Variants in PCDHGB3 observed in about 807,000 individuals in gnomAD.
PCDHGB3 encodes protocadherin gamma-B3.
In PCDHGB3, 40 loss-of-function variants were observed where a neutral mutation model predicts 59.2. The ratio of observed to expected loss-of-function variants is 0.68; its 90% CI spans 0.52 to 0.88. PCDHGB3 has a LOEUF of 0.88. Ranked by LOEUF, PCDHGB3 falls within the 40% of genes least tolerant of loss-of-function variation. PCDHGB3 has a pLI of 0.00. For missense variants in PCDHGB3, 1,309 were observed against 1,187.9 expected (o/e 1.10, Z -1.50); for synonymous variants, 581 against 503.6 (o/e 1.15, Z -2.06).
chr5:141,432,934 G>T lies in PCDHGB3; in HGVS notation c.2415+60125G>T, dbSNP rs377666802. 1.2e-6 allele frequency: 2 copies of T among 1,614,078 alleles called. No individual in the cohort carries two copies. The highest frequency in any genetic ancestry group is 1.3e-5 in the African/African-American group (1 of 74,940). On this transcript the variant is annotated intron_variant, in intron 1 of 3. Coordinates refer to ENST00000576222, the MANE Select transcript of PCDHGB3 (RefSeq NM_018924.5). This position sits in a 1 kb window ranked among gnomAD's most constrained non-coding sequence, Gnocchi z 6.0. ...GGCGCTGGCACAAGTCACGCCTGCT[G>T]CAGGCTTCAGGAGGCGGCTTGACAG...
intron 1 of PCDHGB3, chr5:141,418,958 G>A: frequency 4.3e-6 from 7 of 1,614,000 alleles, no homozygotes; most frequent in Non-Finnish European, 5.9e-6. Context: ...AGTGGTTGTT[G>A]CCCTCTTCAA....
rs1280755615 is a variant in PCDHGB3 at position 141,431,629 on chromosome 5, A to C, written c.2415+58820A>C. On this transcript the variant is annotated intron_variant, in intron 1 of 3. Transcript: ENST00000576222. This position sits in a 1 kb window ranked among gnomAD's most constrained non-coding sequence, Gnocchi z 4.8. ...GGTATGTGGACGACAAGGCGGCCCA[A>C]GTTTTCAAACTAGATTGTAATTCAG... 6.2e-7 allele frequency: 1 copy of C among 1,614,246 alleles called. No individual in the cohort carries two copies. Among genetic ancestry groups the C allele is most frequent in the South Asian group, 1.1e-5 (1 of 91,090 alleles).
intron 1 of PCDHGB3, chr5:141,403,336 C>T (rs2094393288): frequency 1.9e-6 from 3 of 1,614,032 alleles, no homozygotes; most frequent in Non-Finnish European, 2.5e-6. Flanking sequence ...ATATTAACGA[C>T]AGCGCCCCAA....
Position 141,394,244 on chromosome 5 carries a change from C to G in PCDHGB3, c.2415+21435C>G, listed in dbSNP as rs371631729. Reference sequence around the variant, plus strand: ...CCTCCATCTTTTCCTTGACTGCACACGACCCCGACAGCCAGGAGAATGCCC... The same window carrying G: ...CCTCCATCTTTTCCTTGACTGCACAGGACCCCGACAGCCAGGAGAATGCCC... On this transcript the variant is annotated intron_variant, in intron 1 of 3. Coordinates refer to ENST00000576222, the MANE Select transcript of PCDHGB3 (RefSeq NM_018924.5). The G allele has an allele frequency of 1.2e-5, 19 of 1,613,820 alleles. No homozygotes were observed. Among genetic ancestry groups the G allele is most frequent in the Middle Eastern group, 1.6e-4 (1 of 6,084 alleles).
chr5:141,384,372 G>C, intron 1 of PCDHGB3: 1 of 1,613,854 alleles, frequency 6.2e-7, no homozygotes, highest in South Asian at 1.1e-5. Context: ...CTTATTCCTT[G>C]GCCGAAGACA....
At chr5:141,382,922 G>A (rs760288273) in intron 1 of PCDHGB3, 35 of 1,561,514 alleles carry the variant, frequency 2.2e-5, no homozygotes, top group Non-Finnish European at 2.9e-5. Context: ...CCGAGGGGCG[G>A]GGACTACAGA....
At chr5:141,433,400 TATCTATTA>T (rs1426636766) in intron 1 of PCDHGB3, among the ~76,000 whole-genome samples, 16 of 151,506 alleles carry the variant, frequency 1.1e-4, no homozygotes, top group African/African-American at 3.4e-4. Context: ...TCTATCTATC[TATCTATTA>T]CTTTCTTGTA....
In PCDHGB3 at chr5:141,491,797, G is replaced by T. The variant is rs537755017; in HGVS notation, c.2416-3010G>T. The stretch of plus-strand genomic sequence containing the variant: ...ATTGAACTTGCATCCACTCCTCTCC[G>T]GCCGGCTTGGTCGCTGGCTGCGCTC... On this transcript the variant is annotated intron_variant, in intron 1 of 3. Coordinates refer to ENST00000576222, the MANE Select transcript of PCDHGB3 (RefSeq NM_018924.5). The surrounding 1 kb of genome is among the most constrained non-coding windows in gnomAD (Gnocchi z 6.9). 2.0e-6 allele frequency: 3 copies of T among 1,506,818 alleles called. No homozygotes were observed. The highest frequency in any genetic ancestry group is 2.4e-5 in the Admixed American group (1 of 41,734). 93.3% of individuals were successfully genotyped at this position (1,506,818 alleles called of 1,614,324 possible). A position where few individuals can be genotyped will look rare whatever the true frequency, so the allele number is the denominator to read the frequency against.
At chr5:141,385,260 A>G (rs1337413063) in intron 1 of PCDHGB3, 1 of 1,613,648 alleles carries the variant, frequency 6.2e-7, no homozygotes, top group African/African-American at 1.3e-5. Flanking sequence ...GCTGTGAGAA[A>G]AATGATTCTT....
chr5:141,409,953 CCGG>C (rs1418234891), intron 1 of PCDHGB3: 2 of 1,613,280 alleles, frequency 1.2e-6, no homozygotes, highest in Non-Finnish European at 1.7e-6. Flanking sequence ...TCTGCAGAGC[CCGG>C]CTACCTAGTG....
rs749086929 is a variant in PCDHGB3, at chr5:141,485,998, T to A, written c.2416-8809T>A. ...CAGACCCGGACCTGGGTCCCAGTGG[T>A]AACGTCACCTTTTATTTCAGTGGTC... On this transcript the variant is annotated intron_variant, in intron 1 of 3. Transcript: ENST00000576222. The surrounding 1 kb of genome is among the most constrained non-coding windows in gnomAD (Gnocchi z 5.7). 2.4e-5 allele frequency: 38 copies of A among 1,614,068 alleles called. No individual in the cohort carries two copies. Among genetic ancestry groups the A allele is most frequent in the Non-Finnish European group, 3.1e-5 (37 of 1,180,046 alleles).
At position 141,431,738 on chromosome 5, in the gene PCDHGB3, TA is replaced by T; in HGVS notation, c.2415+58930del. ...AGTGCAAGCAATGGATAATGCAGGA[TA>T]TTCTGCGCGAGCCAAAGTCCTGATC... On this transcript the variant is annotated intron_variant, in intron 1 of 3. Coordinates refer to ENST00000576222, the MANE Select transcript of PCDHGB3 (RefSeq NM_018924.5). The surrounding 1 kb of genome is among the most constrained non-coding windows in gnomAD (Gnocchi z 4.8). The T allele has an allele frequency of 6.2e-7, 1 of 1,614,234 alleles. No individual in the cohort carries two copies. Among genetic ancestry groups the T allele is most frequent in the South Asian group, 1.1e-5 (1 of 91,092 alleles).
chr5:141,499,570 A>G (rs1027373056), intron 2 of PCDHGB3, among the ~76,000 whole-genome samples: 2 of 152,200 alleles, frequency 1.3e-5, no homozygotes, highest in African/African-American at 4.8e-5. Context: ...TCCAGCTTCA[A>G]CTAATGCCTT....
intron 1 of PCDHGB3, among the ~76,000 whole-genome samples, chr5:141,445,263 C>T (rs1170484721): frequency 1.3e-5 from 2 of 152,152 alleles, no homozygotes; most frequent in African/African-American, 2.4e-5. Context: ...GAATATAAGT[C>T]GAAACCACTC....
At chr5:141,433,034 C>G (rs1357694242) in intron 1 of PCDHGB3, 2 of 1,614,184 alleles carry the variant, frequency 1.2e-6, no homozygotes, top group Non-Finnish European at 1.7e-6. Flanking sequence ...CGAGGTTTCC[C>G]TCACCACGGA....
chr5:141,433,514 G>C (rs1330494451), intron 1 of PCDHGB3, among the ~76,000 whole-genome samples: 1 of 152,016 alleles, frequency 6.6e-6, no homozygotes, highest in East Asian at 1.9e-4. Context: ...GATTACAGGC[G>C]TGAACCACAG....
At chr5:141,415,026 G>A in intron 1 of PCDHGB3, 1 of 1,613,590 alleles carries the variant, frequency 6.2e-7, no homozygotes, top group Non-Finnish European at 8.5e-7. Flanking sequence ...AGGCCAGCGA[G>A]CCGGGACTCT....
intron 1 of PCDHGB3, chr5:141,394,938 G>C: frequency 6.2e-7 from 1 of 1,613,780 alleles, no homozygotes; most frequent in Admixed American, 1.7e-5. Context: ...CGCCTTTGTC[G>C]CTGTGCTTCT....
At position 141,511,219 on chromosome 5, in the gene PCDHGB3, G is replaced by A. The variant is rs1467284181; in HGVS notation, c.*46G>A. On this transcript the variant is annotated 3_prime_UTR_variant, in exon 4 of 4. Coordinates refer to ENST00000576222, the MANE Select transcript of PCDHGB3 (RefSeq NM_018924.5). ...CCACAGGGCGGCCTCTCCCCAACCA[G>A]CCCAGCTTCTCCTTACCTGCACCCA... 5 of 1,606,366 alleles carry A rather than the reference G, an allele frequency of 3.1e-6. No individual in the cohort carries two copies. The highest frequency in any genetic ancestry group is 2.7e-5 in the African/African-American group (2 of 74,686).
Sources: allele counts gnomAD v4.1 joint callset (sites outside exome capture counted in the v4.1 genomes callset), GRCh38; gene constraint gnomAD v4.1.1; non-coding constraint Gnocchi (gnomAD v3.1); transcripts MANE v1.5; gene names NCBI Gene and HGNC (gene_info 2026-07-23, HGNC 2026-07-21).